AP2A2: variants seen among roughly 807,000 people sequenced by gnomAD.
The protein encoded by AP2A2 is adaptor related protein complex 2 subunit alpha 2, also known as AP-2 complex subunit alpha-2.
In AP2A2, 32 loss-of-function variants were observed where a neutral mutation model predicts 104.2. That is an observed-to-expected ratio of 0.31 (90% CI 0.23 to 0.41). The LOEUF (loss-of-function observed/expected upper bound fraction) is 0.41. AP2A2 is among the 10% of genes least tolerant of loss of function. AP2A2 has a pLI of 1.00. For missense variants in AP2A2, 912 were observed against 1,261.0 expected, an observed-to-expected ratio of 0.72 and a Z score of 4.19; for synonymous variants, 539 against 533.3, an observed-to-expected ratio of 1.01 and a Z score of -0.15.
Position 1,011,129 on chromosome 11 carries a change from C to A in AP2A2, c.*504C>A. The stretch of plus-strand genomic sequence containing the variant: ...GACCCTGGTTTTGCTGCAGTCCCAG[C>A]TGGACTGTTTTCCCAGGCAGGATTT... On this transcript the variant is annotated 3_prime_UTR_variant, in exon 22 of 22. Coordinates refer to ENST00000448903, the MANE Select transcript of AP2A2 (RefSeq NM_012305.4). 1 of 569,534 alleles carries A rather than the reference C, an allele frequency of 1.8e-6. No homozygotes were observed. Among genetic ancestry groups the A allele is most frequent in the East Asian group, 4.4e-5 (1 of 22,754 alleles). The allele number at this position is 569,534 out of a possible 1,614,324, so 35.3% of individuals were successfully genotyped here. A position where few individuals can be genotyped will look rare whatever the true frequency, so the allele number is the denominator to read the frequency against.
At chr11:976,994 A>G in intron 4 of AP2A2, 101 bp from the exon 5 acceptor site, 2 of 1,526,332 alleles carry the variant, frequency 1.3e-6, no homozygotes, top group Non-Finnish European at 8.9e-7. Flanking sequence ...CCCCTGCGCC[A>G]GCCCCACCCC....
chr11:949,347 A>G (rs1853958365), intron 1 of AP2A2, among the ~76,000 whole-genome samples: 1 of 152,178 alleles, frequency 6.6e-6, no homozygotes, highest in African/African-American at 2.4e-5. Context: ...CTCATTCTAT[A>G]AGGCCAGTAT....
chr11:953,131 C>T (rs117937580), intron 1 of AP2A2, among the ~76,000 whole-genome samples: 10,397 of 152,236 alleles, frequency 0.068, 434 homozygotes, highest in South Asian at 0.11. Context: ...GGTCATCATC[C>T]GTCATCTCAG....
chr11:1,002,157 G>A (rs137879092), intron 15 of AP2A2, among the ~76,000 whole-genome samples: 15 of 152,358 alleles, frequency 9.8e-5, no homozygotes, highest in Middle Eastern at 3.4e-3. Flanking sequence ...TGGGTGGTCC[G>A]TCAGAGCCCC....
At chr11:1,010,451 C>CT in intron 21 of AP2A2, 97 bp from the exon 22 acceptor site, 1 of 985,738 alleles carries the variant, frequency 1.0e-6, no homozygotes, top group South Asian at 1.5e-5. Flanking sequence ...AGAGTGGTCC[C>CT]TGGGCATGGC....
At position 935,468 on chromosome 11, in the gene AP2A2, G is replaced by A. The variant is rs188756902; in HGVS notation, c.67+9380G>A. 2.2e-4 allele frequency among the ~76,000 whole-genome samples: 33 copies of A among 151,774 alleles called. No homozygotes were observed. In the East Asian group the frequency reaches 6.3e-3, roughly 29 times the overall value. On this transcript the variant is annotated intron_variant, in intron 1 of 21. Coordinates refer to ENST00000448903, the MANE Select transcript of AP2A2 (RefSeq NM_012305.4). ...CAGGCATGAGCCACTGTGCCTGGGC[G>A]GTTTTGAATTTTTAGTAGAGACAGA...
At chr11:1,003,601 T>G in intron 15 of AP2A2, 121 bp from the exon 16 acceptor site, 1 of 571,638 alleles carries the variant, frequency 1.7e-6, no homozygotes, top group East Asian at 3.2e-5. Context: ...ACTTTTTTCT[T>G]CCCTTGTGTG....
intron 1 of AP2A2, chr11:933,594 G>A (rs760945481): frequency 2.2e-6 from 1 of 456,164 alleles, no homozygotes; most frequent in South Asian, 1.5e-5. Flanking sequence ...AGAAGAAATA[G>A]CATGTGAGTA....
intron 6 of AP2A2, among the ~76,000 whole-genome samples, chr11:983,597 A>G (rs368077025): frequency 1.5e-4 from 22 of 151,594 alleles, no homozygotes; most frequent in Admixed American, 8.5e-4. Flanking sequence ...GTTAGCCAGG[A>G]TGGTCTCGAT....
At chr11:983,543 T>A (rs552696311) in intron 6 of AP2A2, among the ~76,000 whole-genome samples, 1 of 151,518 alleles carries the variant, frequency 6.6e-6, no homozygotes, top group East Asian at 1.9e-4. Flanking sequence ...CCACCATGCC[T>A]GGCTAATTTT....
intron 1 of AP2A2, among the ~76,000 whole-genome samples, chr11:930,888 G>C (rs1261835002): frequency 6.6e-6 from 1 of 152,126 alleles, no homozygotes; most frequent in Non-Finnish European, 1.5e-5. Flanking sequence ...AACAGACACT[G>C]GTACACACCA....
At chr11:988,746 G>C in intron 10 of AP2A2, 57 bp downstream of exon 10, 9 of 1,598,648 alleles carry the variant, frequency 5.6e-6, no homozygotes, top group Non-Finnish European at 7.7e-6. Flanking sequence ...CTCAGCGGCA[G>C]GATTTCCTTC....
chr11:966,734 T>C (rs1374484504), intron 2 of AP2A2, among the ~76,000 whole-genome samples: 1 of 152,138 alleles, frequency 6.6e-6, no homozygotes, highest in Non-Finnish European at 1.5e-5. Flanking sequence ...GAGCCAGCAG[T>C]GCCTCTGGCT....
intron 1 of AP2A2, among the ~76,000 whole-genome samples, chr11:954,421 T>C (rs1854161206): frequency 6.6e-6 from 1 of 152,022 alleles, no homozygotes; most frequent in African/African-American, 2.4e-5. Flanking sequence ...TGTGTGTGTA[T>C]GTATTTGTGT....
chr11:966,620 C>A (rs141503105), intron 2 of AP2A2, among the ~76,000 whole-genome samples: 1 of 152,208 alleles, frequency 6.6e-6, no homozygotes, highest in African/African-American at 2.4e-5. Flanking sequence ...TTGTGCCACA[C>A]ACTGTTGTTG....
At chr11:973,066 C>T (rs934539858) in intron 4 of AP2A2, among the ~76,000 whole-genome samples, 6 of 152,362 alleles carry the variant, frequency 3.9e-5, no homozygotes, top group East Asian at 3.9e-4. Flanking sequence ...GGATACCCTG[C>T]GGAGTTGGGA....
intron 17 of AP2A2, chr11:1,006,845 C>T: frequency 3.7e-6 from 2 of 545,378 alleles, no homozygotes; most frequent in Non-Finnish European, 6.5e-6. Flanking sequence ...CCTAAAAATA[C>T]CGTGTACATG....
intron 5 of AP2A2, among the ~76,000 whole-genome samples, chr11:980,671 C>T (rs1855206384): frequency 6.6e-6 from 1 of 152,230 alleles, no homozygotes; most frequent in African/African-American, 2.4e-5. Context: ...CTAGTGGCCT[C>T]ATCCAGCCTA....
intron 4 of AP2A2, among the ~76,000 whole-genome samples, chr11:974,550 G>A (rs896827857): frequency 6.6e-6 from 1 of 151,936 alleles, no homozygotes; most frequent in Admixed American, 6.6e-5. Flanking sequence ...GTGTGGTGGT[G>A]CTCACCTGTA....
Sources: gnomAD v4.1 joint callset for allele counts (sites outside exome capture counted in the v4.1 genomes callset) on GRCh38, gnomAD v4.1.1 for gene constraint, MANE v1.5 for transcripts, NCBI Gene and HGNC (gene_info 2026-07-23, HGNC 2026-07-21) for gene names.